LARP1B: variants seen among roughly 807,000 people sequenced by gnomAD.
LARP1B encodes the protein la-related protein 1B.
A neutral mutation model predicts 114.2 loss-of-function variants in LARP1B; 76 were observed. The observed-to-expected ratio is 0.67, with a 90% CI of 0.55 to 0.81. The LOEUF is 0.81. Ranked by LOEUF, LARP1B falls within the 30% of genes least tolerant of loss-of-function variation. The probability of loss-of-function intolerance (pLI) is 0.00; values close to 1 mark genes in which losing one functional copy is unlikely to be tolerated. For missense variants in LARP1B, 1,014 were observed against 1,075.8 expected (o/e 0.94, Z 0.80); for synonymous variants, 345 against 348.0 (o/e 0.99, Z 0.10).
At chr4:128,079,273 T>G (rs1769270978) in intron 4 of LARP1B, among the ~76,000 whole-genome samples, 1 of 151,898 alleles carries the variant, frequency 6.6e-6, no homozygotes, top group Non-Finnish European at 1.5e-5. Context: ...TTTTTGTATT[T>G]TAGTAGAGAC....
At chr4:128,087,785 A>C (rs1214264314) in intron 5 of LARP1B, among the ~76,000 whole-genome samples, 1 of 152,128 alleles carries the variant, frequency 6.6e-6, no homozygotes, top group Non-Finnish European at 1.5e-5. Context: ...AGGTTGAGGC[A>C]GGAGGATTGC....
At chr4:128,067,451 T>C (rs528301305) in intron 1 of LARP1B, among the ~76,000 whole-genome samples, 1 of 152,184 alleles carries the variant, frequency 6.6e-6, no homozygotes, top group Non-Finnish European at 1.5e-5. Context: ...GGACAGAAAT[T>C]ATGAATTTTC....
At chr4:128,163,864 G>A (rs144575691) in intron 12 of LARP1B, among the ~76,000 whole-genome samples, 1 of 152,104 alleles carries the variant, frequency 6.6e-6, no homozygotes, top group East Asian at 1.9e-4. Flanking sequence ...AATGGAGTTG[G>A]ACTGTTAACT....
At chr4:128,167,472 T>C (rs1741631298) in intron 12 of LARP1B, among the ~76,000 whole-genome samples, 1 of 152,088 alleles carries the variant, frequency 6.6e-6, no homozygotes, top group Admixed American at 6.6e-5. Flanking sequence ...ATATAACTCC[T>C]AATCAGATGT....
intron 9 of LARP1B, 53 bp downstream of exon 9, chr4:128,107,366 A>G: frequency 1.3e-6 from 2 of 1,589,752 alleles, no homozygotes; most frequent in Non-Finnish European, 1.7e-6. Flanking sequence ...ATTTGGTCCA[A>G]TTTACTTACT....
At chr4:128,176,546 G>A (rs373629820) in intron 12 of LARP1B, among the ~76,000 whole-genome samples, 92 of 151,912 alleles carry the variant, frequency 6.1e-4, no homozygotes, top group African/African-American at 2.0e-3. Context: ...TACCCGCCTC[G>A]GCCTCCCAAA....
At chr4:128,155,743 G>A (rs527398753) in intron 11 of LARP1B, 2 of 1,608,374 alleles carry the variant, frequency 1.2e-6, no homozygotes, top group African/African-American at 1.3e-5. Context: ...CAAGCTGGCT[G>A]CGGCCAAGTG....
intron 11 of LARP1B, among the ~76,000 whole-genome samples, chr4:128,139,505 T>C (rs946712387): frequency 5.9e-5 from 9 of 151,370 alleles, no homozygotes; most frequent in African/African-American, 2.2e-4. Context: ...CTGGGCAATA[T>C]AGTGAGGCCC....
upstream of LARP1B, among the ~76,000 whole-genome samples, chr4:128,061,105 TC>T (rs1004966644): frequency 2.2e-4 from 34 of 151,786 alleles, no homozygotes; most frequent in African/African-American, 8.0e-4. Flanking sequence ...CCGGGAGTCG[TC>T]CCCTTCGTCC....
chr4:128,208,991 TC>T (rs1226217339), intron 19 of LARP1B, among the ~76,000 whole-genome samples: 1 of 152,188 alleles, frequency 6.6e-6, no homozygotes, highest in Non-Finnish European at 1.5e-5. Flanking sequence ...GAAATACAAA[TC>T]CTTTACAGTT....
chr4:128,194,098 G>C (rs1320264149), intron 15 of LARP1B, among the ~76,000 whole-genome samples: 1 of 151,900 alleles, frequency 6.6e-6, no homozygotes, highest in Non-Finnish European at 1.5e-5. Flanking sequence ...TTGAGATGCA[G>C]TTTCACTCAT....
chr4:128,077,704 A>T, intron 3 of LARP1B, 84 bp from the exon 4 acceptor site: 7 of 1,339,874 alleles, frequency 5.2e-6, no homozygotes, highest in Non-Finnish European at 6.9e-6. Context: ...TTGCAATTTT[A>T]GGTTAGGTAT....
Position 128,211,370 on chromosome 4 carries a change from C to A in LARP1B, c.*1317C>A. The A allele has an allele frequency of 5.3e-6, 5 of 943,480 alleles. No homozygotes were observed. Among genetic ancestry groups the A allele is most frequent in the South Asian group, 9.8e-5 (2 of 20,340 alleles). The allele number at this position is 943,480 out of a possible 1,614,324, so 58.4% of individuals were successfully genotyped here. On this transcript the variant is annotated 3_prime_UTR_variant, in exon 20 of 20. Coordinates refer to ENST00000326639, the MANE Select transcript of LARP1B (RefSeq NM_018078.4). ...TTTTGAGCAGATTGGATATCTTGTT[C>A]TTATAAATTATAATATTGAAATACA...
At chr4:128,207,503 A>T (rs1380599923) in intron 19 of LARP1B, 120 bp downstream of exon 19, 12 of 605,626 alleles carry the variant, frequency 2.0e-5, no homozygotes, top group East Asian at 3.6e-5. Flanking sequence ...TTTTAAAATT[A>T]AACTTTGAAA....
chr4:128,175,119 A>ATG (rs1172981951), intron 12 of LARP1B, among the ~76,000 whole-genome samples: 1 of 152,120 alleles, frequency 6.6e-6, no homozygotes, highest in Non-Finnish European at 1.5e-5. Flanking sequence ...TATGATCTGC[A>ATG]TTTACCTGAC....
chr4:128,156,251 G>A (rs1407758166), intron 11 of LARP1B: 4 of 1,260,098 alleles, frequency 3.2e-6, no homozygotes, highest in Non-Finnish European at 4.5e-6. Context: ...AGCAACGTCT[G>A]CTCCCCTTCC....
At chr4:128,110,037 G>A (rs1429701384) in intron 9 of LARP1B, among the ~76,000 whole-genome samples, 1 of 152,092 alleles carries the variant, frequency 6.6e-6, no homozygotes, top group Non-Finnish European at 1.5e-5. Context: ...CCGAGTAGCT[G>A]AGATTACAGG....
rs201940366 is a variant in LARP1B at position 128,112,031 on chromosome 4, GAAAAA to G, written c.989-2533_989-2529del. 1.8e-4 allele frequency among the ~76,000 whole-genome samples: 26 copies of G among 145,548 alleles called. 1 individual carries two copies. In the South Asian group the frequency reaches 5.0e-3, roughly 28 times the overall value. On this transcript the variant is annotated intron_variant, in intron 9 of 19. Coordinates refer to ENST00000326639, the MANE Select transcript of LARP1B (RefSeq NM_018078.4). ...AGTTTCATGTATGGTTCATTAAAAA[GAAAAA>G]AAAAAGTGTTCTCTGGAGTTAATAT...
chr4:128,073,577 T>TG (rs1373264953), intron 1 of LARP1B, among the ~76,000 whole-genome samples: 12 of 16,648 alleles, frequency 7.2e-4, no homozygotes, highest in African/African-American at 2.4e-3. Context: ...TTGTCGTTTT[T>TG]TTTTTTTTTT....
Sources: gnomAD v4.1 joint callset for allele counts (sites outside exome capture counted in the v4.1 genomes callset) on GRCh38, gnomAD v4.1.1 for gene constraint, MANE v1.5 for transcripts, NCBI Gene and HGNC (gene_info 2026-07-23, HGNC 2026-07-21) for gene names.